GALNTL6: variants seen among roughly 807,000 people sequenced by gnomAD.
GALNTL6 encodes polypeptide N-acetylgalactosaminyltransferase like 6.
A neutral mutation model predicts 73.7 loss-of-function variants in GALNTL6; 46 were observed. The observed-to-expected ratio is 0.62, with a 90% CI of 0.49 to 0.80. The LOEUF is 0.80. Among genes scored for constraint, GALNTL6 ranks in the 30% least tolerant of loss-of-function variants. The pLI is 0.00. For synonymous variants in GALNTL6, 259 were observed against 263.7 expected (o/e 0.98, Z 0.17); for missense variants, 604 against 755.0 (o/e 0.80, Z 2.34).
rs149546146 is a variant in GALNTL6 at position 172,998,688 on chromosome 4, C to T, written c.1372-10490C>T. On this transcript the variant is annotated intron_variant, in intron 10 of 12. Transcript: ENST00000506823. ...TCCCTAGGCCTCCCCTACTGGATCC[C>T]TCTATGAAATTTGACACTGCAGCTC... Among the ~76,000 whole-genome samples, 59 of 152,252 alleles carry T rather than the reference C, an allele frequency of 3.9e-4. 1 individual carries two copies. Among genetic ancestry groups the T allele is most frequent in the African/African-American group, 1.3e-3 (56 of 41,544 alleles).
At chr4:172,737,814 C>G (rs1736559327) in intron 5 of GALNTL6, among the ~76,000 whole-genome samples, 1 of 152,178 alleles carries the variant, frequency 6.6e-6, no homozygotes, top group Admixed American at 6.6e-5. Flanking sequence ...CTTTTCAGCT[C>G]TAGGTGACAC....
At chr4:172,970,450 A>G (rs1355990356) in intron 10 of GALNTL6, among the ~76,000 whole-genome samples, 2 of 152,156 alleles carry the variant, frequency 1.3e-5, no homozygotes, top group African/African-American at 4.8e-5. Flanking sequence ...CCAGGAATGC[A>G]ATTCTTTTCC....
intron 5 of GALNTL6, among the ~76,000 whole-genome samples, chr4:172,616,083 A>T (rs1738717875): frequency 6.6e-6 from 1 of 152,200 alleles, no homozygotes; most frequent in African/African-American, 2.4e-5. Flanking sequence ...GCTCTCTGCT[A>T]CCATCCTCTG....
At chr4:172,790,249 T>G (rs974590911) in intron 5 of GALNTL6, among the ~76,000 whole-genome samples, 1 of 152,220 alleles carries the variant, frequency 6.6e-6, no homozygotes, top group East Asian at 1.9e-4. Context: ...TTCAGCATTC[T>G]TATGGAGTGA....
chr4:172,444,453 A>G (rs543453940), intron 5 of GALNTL6, among the ~76,000 whole-genome samples: 109 of 152,300 alleles, frequency 7.2e-4, no homozygotes, highest in African/African-American at 2.4e-3. Flanking sequence ...AGAAGGGCCA[A>G]TGACTTTTTG....
chr4:171,940,692 C>T (rs966162200), intron 2 of GALNTL6, among the ~76,000 whole-genome samples: 1 of 151,900 alleles, frequency 6.6e-6, no homozygotes, highest in Non-Finnish European at 1.5e-5. Flanking sequence ...GGCTTTGTGG[C>T]ATGCATCTAT....
At chr4:172,142,189 A>G (rs10028917) in intron 2 of GALNTL6, among the ~76,000 whole-genome samples, 67,463 of 151,696 alleles carry the variant, frequency 0.44, 15,657 homozygotes, top group African/African-American at 0.56. Flanking sequence ...AGCATGGTTT[A>G]TTTTAAAAAA....
At chr4:172,183,921 T>C (rs1735337955) in intron 2 of GALNTL6, among the ~76,000 whole-genome samples, 3 of 151,332 alleles carry the variant, frequency 2.0e-5, no homozygotes, top group South Asian at 4.2e-4. Flanking sequence ...GCCTCCTGAA[T>C]AGCTGGAACT....
At chr4:171,825,488 TCTTAA>T (rs1279589913) in intron 2 of GALNTL6, among the ~76,000 whole-genome samples, 5 of 152,158 alleles carry the variant, frequency 3.3e-5, no homozygotes, top group Non-Finnish European at 5.9e-5. Flanking sequence ...TTGTCCCCCC[TCTTAA>T]CTTACGTAGA....
intron 3 of GALNTL6, among the ~76,000 whole-genome samples, chr4:172,295,352 G>A (rs190892722): frequency 2.8e-4 from 42 of 151,694 alleles, no homozygotes; most frequent in African/African-American, 8.0e-4. Context: ...AACCCAGGAG[G>A]TGGAGGTTGC....
intron 2 of GALNTL6, among the ~76,000 whole-genome samples, chr4:171,824,834 A>G (rs1367297676): frequency 1.3e-5 from 2 of 152,058 alleles, no homozygotes; most frequent in Non-Finnish European, 2.9e-5. Flanking sequence ...TTCTTCTTTC[A>G]CTTTTTAAAT....
intron 5 of GALNTL6, among the ~76,000 whole-genome samples, chr4:172,528,769 T>C (rs1735057289): frequency 6.6e-6 from 1 of 150,754 alleles, no homozygotes; most frequent in Admixed American, 6.7e-5. Context: ...CAATATTTTG[T>C]TTCATAAGAT....
chr4:171,813,766 C>A lies in GALNTL6; in HGVS notation c.-394C>A, dbSNP rs895467848. 1 of 152,294 alleles carries A rather than the reference C, an allele frequency of 6.6e-6. No individual in the cohort carries two copies. The highest frequency in any genetic ancestry group is 2.4e-5 in the African/African-American group (1 of 41,462). The allele number at this position is 152,294 out of a possible 1,614,324, so 9.4% of individuals were successfully genotyped here. A position where few individuals can be genotyped will look rare whatever the true frequency, so the allele number is the denominator to read the frequency against. On this transcript the variant is annotated 5_prime_UTR_variant, in exon 1 of 13. Transcript: ENST00000506823. This position sits in a 1 kb window ranked among gnomAD's most constrained non-coding sequence, Gnocchi z 5.2. ...ACCGCGCGAGGAAGGGACGTCGCGG[C>A]GCCACCACTTCCTGGCTGGACTCCG...
intron 2 of GALNTL6, among the ~76,000 whole-genome samples, chr4:172,182,757 AAATT>A (rs1158995439): frequency 6.6e-6 from 1 of 152,030 alleles, no homozygotes. Flanking sequence ...AAATATAAAA[AAATT>A]TATTATGACA....
chr4:171,960,540 A>G (rs1739190948), intron 2 of GALNTL6, among the ~76,000 whole-genome samples: 1 of 152,038 alleles, frequency 6.6e-6, no homozygotes, highest in South Asian at 2.1e-4. Context: ...TCAGCCTCCC[A>G]AAGTGCTAGG....
chr4:172,855,412 T>C (rs1438316663), intron 7 of GALNTL6, among the ~76,000 whole-genome samples: 5 of 152,168 alleles, frequency 3.3e-5, no homozygotes, highest in Non-Finnish European at 7.3e-5. Flanking sequence ...CTCAATTAAT[T>C]TAAGTTTAAA....
rs796975140 is a variant in GALNTL6, at chr4:172,525,653, A to C, written c.553+176964A>C. Among the ~76,000 whole-genome samples, 9 of 152,284 alleles carry C rather than the reference A, an allele frequency of 5.9e-5. No homozygotes were observed. The South Asian group carries it at 1.9e-3, about 32-fold the overall frequency. Reference sequence around the variant, plus strand: ...CAAGGCAGGAGGACCGTTTGAGCCCAGAAGTTCAAAACTAGCTTGGGCAAA... The same window carrying C: ...CAAGGCAGGAGGACCGTTTGAGCCCCGAAGTTCAAAACTAGCTTGGGCAAA... On this transcript the variant is annotated intron_variant, in intron 5 of 12. Transcript: ENST00000506823.
In GALNTL6 at chr4:172,895,492, T is replaced by G. The variant is rs1042585336; in HGVS notation, c.1041+12585T>G. Among the ~76,000 whole-genome samples the G allele has an allele frequency of 2.6e-5, 4 of 151,868 alleles. No homozygotes were observed. In the East Asian group the frequency reaches 7.7e-4, roughly 29 times the overall value. Reference sequence around the variant, plus strand: ...GCTAAGAAGCCTGCTGTCAGGCATATTAGAACTCCCTTAAATGTTATTTGC... The same window carrying G: ...GCTAAGAAGCCTGCTGTCAGGCATAGTAGAACTCCCTTAAATGTTATTTGC... On this transcript the variant is annotated intron_variant, in intron 8 of 12. Transcript: ENST00000506823.
intron 5 of GALNTL6, among the ~76,000 whole-genome samples, chr4:172,568,735 G>A (rs1270307360): frequency 8.9e-6 from 1 of 111,950 alleles, no homozygotes; most frequent in African/African-American, 3.5e-5. Context: ...TCCAGCCTGG[G>A]CCACAGAGCG....
Sources: gnomAD v4.1 joint callset for allele counts (sites outside exome capture counted in the v4.1 genomes callset) on GRCh38, gnomAD v4.1.1 for gene constraint, Gnocchi (gnomAD v3.1) non-coding constraint, MANE v1.5 for transcripts, NCBI Gene and HGNC (gene_info 2026-07-23, HGNC 2026-07-21) for gene names.